Variants in CD28 observed in about 807,000 individuals in gnomAD.
CD28 encodes the protein T-cell-specific surface glycoprotein CD28.
In CD28, 8 loss-of-function variants were observed where a neutral mutation model predicts 21.4. The observed-to-expected ratio is 0.37, with a 90% confidence interval of 0.22 to 0.68. The LOEUF is 0.68. Among genes scored for constraint, CD28 ranks in the 30% least tolerant of loss-of-function variants. The probability of loss-of-function intolerance (pLI) is 0.55; values close to 1 mark genes in which losing one functional copy is unlikely to be tolerated. For missense variants in CD28, 239 were observed against 272.2 expected, an observed-to-expected ratio of 0.88 and a Z score of 0.86; for synonymous variants, 106 against 104.0, an observed-to-expected ratio of 1.02 and a Z score of -0.12.
At chr2:203,717,923 G>A (rs970908604) in intron 1 of CD28, among the ~76,000 whole-genome samples, 1 of 152,142 alleles carries the variant, frequency 6.6e-6, no homozygotes, top group African/African-American at 2.4e-5. Context: ...AAAACTAGAT[G>A]AAATGACCAC....
chr2:203,714,474 G>T (rs969120698), intron 1 of CD28, among the ~76,000 whole-genome samples: 1 of 151,320 alleles, frequency 6.6e-6, no homozygotes, highest in Non-Finnish European at 1.5e-5. Flanking sequence ...GGCTTGGGGA[G>T]GCCAGTCCGC....
intron 1 of CD28, among the ~76,000 whole-genome samples, chr2:203,715,756 A>G (rs1693446366): frequency 6.6e-6 from 1 of 151,940 alleles, no homozygotes; most frequent in East Asian, 1.9e-4. Context: ...AACTTACCTC[A>G]TTTTGTCAAT....
At chr2:203,714,021 GT>G (rs1559550976) in intron 1 of CD28, among the ~76,000 whole-genome samples, 2 of 151,858 alleles carry the variant, frequency 1.3e-5, no homozygotes, top group South Asian at 2.1e-4. Context: ...AGGGAGATTT[GT>G]TGCATAGGAG....
chr2:203,724,310 T>C (rs563487432), intron 1 of CD28, among the ~76,000 whole-genome samples: 4 of 152,282 alleles, frequency 2.6e-5, no homozygotes, highest in African/African-American at 9.6e-5. Flanking sequence ...ATAGTGGTGA[T>C]TCATTCATAA....
chr2:203,707,997 T>C (rs74492511), intron 1 of CD28, among the ~76,000 whole-genome samples: 1 of 152,212 alleles, frequency 6.6e-6, no homozygotes, highest in Non-Finnish European at 1.5e-5. Context: ...GTTCAAAAAC[T>C]GGACTGATAG....
In CD28 at chr2:203,715,655, C is replaced by T. The variant is rs367587569; in HGVS notation, c.52+8907C>T. ...TAATACATATGAACTTCCTAATGTA[C>T]ATTTCTATCCCCAACTGGCTTCCTC... is the stretch of plus-strand genomic sequence containing the variant. On this transcript the variant is annotated intron_variant, in intron 1 of 3. Coordinates refer to ENST00000324106, the MANE Select transcript of CD28 (RefSeq NM_006139.4). 6.6e-5 allele frequency among the ~76,000 whole-genome samples: 10 copies of T among 152,244 alleles called. 1 individual carries two copies. Among genetic ancestry groups the T allele is most frequent in the African/African-American group, 2.4e-4 (10 of 41,538 alleles).
chr2:203,727,411 A>G (rs999206519), intron 2 of CD28, among the ~76,000 whole-genome samples: 3 of 147,092 alleles, frequency 2.0e-5, no homozygotes, highest in African/African-American at 7.5e-5. Flanking sequence ...CCTCTGTAAA[A>G]GTACCTTTCC....
At chr2:203,732,301 T>G (rs1693915268) in intron 3 of CD28, among the ~76,000 whole-genome samples, 1 of 152,182 alleles carries the variant, frequency 6.6e-6, no homozygotes, top group African/African-American at 2.4e-5. Flanking sequence ...TGACCTGATG[T>G]TGACATTTGA....
chr2:203,706,495 T>A (rs1330260461), upstream of CD28: 1 of 1,507,420 alleles, frequency 6.6e-7, no homozygotes, highest in African/African-American at 1.4e-5. Flanking sequence ...AAAACAACGT[T>A]ATATCCTGTG....
intron 1 of CD28, among the ~76,000 whole-genome samples, chr2:203,709,381 G>T (rs1254836964): frequency 1.3e-5 from 2 of 152,134 alleles, no homozygotes; most frequent in African/African-American, 4.8e-5. Context: ...TGTATATGAA[G>T]AATAGTTCTT....
At position 203,735,186 on chromosome 2, in the gene CD28, G is replaced by C; in HGVS notation, c.*274G>C. On this transcript the variant is annotated 3_prime_UTR_variant, in exon 4 of 4. Transcript: ENST00000324106. ...ACTTAGTGACTTGACTGAGAAGTTA[G>C]GGTAGAAAACAAAAAGGGAGTGGAT... 1 of 414,810 alleles carries C rather than the reference G, an allele frequency of 2.4e-6. No homozygotes were observed. The highest frequency in any genetic ancestry group is 4.7e-5 in the East Asian group (1 of 21,378). 25.7% of individuals were successfully genotyped at this position (414,810 alleles called of 1,614,324 possible). A position where few individuals can be genotyped will look rare whatever the true frequency, so the allele number is the denominator to read the frequency against.
Position 203,706,645 on chromosome 2 carries a change from C to T in CD28, c.-52C>T, listed in dbSNP as rs201647147. The T allele has an allele frequency of 3.2e-5, 52 of 1,613,844 alleles. No individual in the cohort carries two copies. Among genetic ancestry groups the T allele is most frequent in the South Asian group, 2.4e-4 (22 of 91,056 alleles). The stretch of plus-strand genomic sequence containing the variant: ...GCGTCTTTCAGTTCCCCTCACACTT[C>T]GGGTTCCTCGGGGAGGAGGGGCTGG... On this transcript the variant is annotated 5_prime_UTR_variant, in exon 1 of 4. Coordinates refer to ENST00000324106, the MANE Select transcript of CD28 (RefSeq NM_006139.4).
chr2:203,716,927 C>T (rs1208998278), intron 1 of CD28, among the ~76,000 whole-genome samples: 1 of 152,106 alleles, frequency 6.6e-6, no homozygotes, highest in Non-Finnish European at 1.5e-5. Flanking sequence ...ACCTCCTGGG[C>T]TCAAGTGATC....
chr2:203,709,944 G>C (rs1014021983), intron 1 of CD28, among the ~76,000 whole-genome samples: 3 of 152,114 alleles, frequency 2.0e-5, no homozygotes, highest in African/African-American at 7.2e-5. Context: ...TTCTGAGAGA[G>C]GCATGGAAAG....
chr2:203,720,164 T>C (rs1244830616), intron 1 of CD28, among the ~76,000 whole-genome samples: 2 of 152,154 alleles, frequency 1.3e-5, no homozygotes, highest in Admixed American at 6.5e-5. Flanking sequence ...CCTTCTCACC[T>C]CCAATCTCAC....
chr2:203,732,027 C>T (rs568817058), intron 3 of CD28, among the ~76,000 whole-genome samples: 2 of 152,282 alleles, frequency 1.3e-5, no homozygotes, highest in South Asian at 2.1e-4. Context: ...ACTCTGGGCT[C>T]ATCTTTTCCT....
chr2:203,716,806 T>C (rs1462778470), intron 1 of CD28, among the ~76,000 whole-genome samples: 1 of 152,174 alleles, frequency 6.6e-6, no homozygotes, highest in African/African-American at 2.4e-5. Flanking sequence ...CTTAGATTAG[T>C]GCTGACCAAA....
upstream of CD28, chr2:203,706,602 T>A (rs757088307): frequency 5.0e-6 from 8 of 1,607,484 alleles, no homozygotes; most frequent in East Asian, 1.8e-4. Context: ...TGACGGAGAC[T>A]CTCAGGCCTT....
intron 1 of CD28, among the ~76,000 whole-genome samples, chr2:203,718,182 G>C (rs150914168): frequency 9.2e-5 from 14 of 152,232 alleles, no homozygotes; most frequent in African/African-American, 3.1e-4. Context: ...CAGAGCCATA[G>C]ACTGTTGAGT....
Sources: gnomAD v4.1 joint callset for allele counts (sites outside exome capture counted in the v4.1 genomes callset) on GRCh38, gnomAD v4.1.1 for gene constraint, MANE v1.5 for transcripts, NCBI Gene and HGNC (gene_info 2026-07-23, HGNC 2026-07-21) for gene names.